Variants in BICRAL observed in about 807,000 individuals in gnomAD.
BICRAL encodes BRD4-interacting chromatin-remodeling complex-associated protein-like.
Under a neutral mutation model 91.8 loss-of-function variants are expected in BICRAL, and 8 were observed. The ratio of observed to expected loss-of-function variants is 0.09; its 90% CI spans 0.05 to 0.16. The LOEUF (loss-of-function observed/expected upper bound fraction) is 0.16, where lower values mean the gene tolerates loss of function less well. Among genes scored for constraint, BICRAL ranks in the 10% least tolerant of loss-of-function variants. The pLI is 1.00. For missense variants in BICRAL, 1,038 were observed against 1,310.9 expected (o/e 0.79, Z 3.21); for synonymous variants, 445 against 491.1 (o/e 0.91, Z 1.24).
chr6:42,806,296 T>G (rs1763704392), intron 1 of BICRAL, among the ~76,000 whole-genome samples: 1 of 152,172 alleles, frequency 6.6e-6, no homozygotes, highest in Non-Finnish European at 1.5e-5. Context: ...GGGCAACTAG[T>G]AACCCAGATT....
intron 2 of BICRAL, among the ~76,000 whole-genome samples, chr6:42,815,762 C>G (rs191525219): frequency 6.7e-6 from 1 of 149,832 alleles, no homozygotes; most frequent in Non-Finnish European, 1.5e-5. Flanking sequence ...CTGAGGTGGG[C>G]GGATCACCTG....
At chr6:42,756,204 C>CCATT (rs1299622056) in intron 1 of BICRAL, among the ~76,000 whole-genome samples, 1 of 152,166 alleles carries the variant, frequency 6.6e-6, no homozygotes. Flanking sequence ...TCTGCCCCTG[C>CCATT]CATTGTATTT....
At chr6:42,792,352 A>G (rs1312262872) in intron 1 of BICRAL, among the ~76,000 whole-genome samples, 3 of 151,836 alleles carry the variant, frequency 2.0e-5, no homozygotes, top group Non-Finnish European at 1.5e-5. Context: ...TGCAGCCTCC[A>G]TCTCGTGGGT....
At chr6:42,857,614 A>AAAAAAAAAATAT in intron 10 of BICRAL, among the ~76,000 whole-genome samples, 1,852 of 95,672 alleles carry the variant, frequency 0.019, 23 homozygotes, top group Non-Finnish European at 0.028. Flanking sequence ...AAAAAAAAAA[A>AAAAAAAAAATAT]ATATATATAT....
At chr6:42,770,412 A>ATTTTTTTTT (rs531644287) in intron 1 of BICRAL, among the ~76,000 whole-genome samples, 1 of 126,220 alleles carries the variant, frequency 7.9e-6, no homozygotes, top group Non-Finnish European at 1.6e-5. Context: ...TATTATTATT[A>ATTTTTTTTT]TTTTTTTTTT....
chr6:42,850,916 T>C (rs907457188), intron 6 of BICRAL, among the ~76,000 whole-genome samples: 2 of 150,898 alleles, frequency 1.3e-5, no homozygotes, highest in East Asian at 3.9e-4. Context: ...ATTGGCTGGG[T>C]GTGGTGGCTC....
At chr6:42,779,618 A>G (rs1762857353), upstream of BICRAL, among the ~76,000 whole-genome samples, 1 of 152,242 alleles carries the variant, frequency 6.6e-6, no homozygotes, top group Non-Finnish European at 1.5e-5. Context: ...TTAAATATAA[A>G]GCATACATTA....
At chr6:42,864,303 G>C (rs1765643462) in intron 12 of BICRAL, among the ~76,000 whole-genome samples, 1 of 152,032 alleles carries the variant, frequency 6.6e-6, no homozygotes, top group Non-Finnish European at 1.5e-5. Flanking sequence ...TCGTACCACT[G>C]CACTCCAGTC....
At chr6:42,786,326 C>T (rs1456019868) in intron 1 of BICRAL, among the ~76,000 whole-genome samples, 1 of 152,204 alleles carries the variant, frequency 6.6e-6, no homozygotes, top group Non-Finnish European at 1.5e-5. Context: ...TACCTCTGTG[C>T]AGTCTGTGTC....
rs1358059220 is a variant in BICRAL, at chr6:42,866,737, T to C, written c.*1291T>C. Reference sequence around the variant, plus strand: ...TGGCCTGTGTTCATATTAGTGAGCATGGCTTACTGCTTTATTTATTTTTAT... The same window carrying C: ...TGGCCTGTGTTCATATTAGTGAGCACGGCTTACTGCTTTATTTATTTTTAT... On this transcript the variant is annotated 3_prime_UTR_variant, in exon 13 of 13. Coordinates refer to ENST00000314073, the MANE Select transcript of BICRAL (RefSeq NM_001393499.1). 2.2e-5 allele frequency: 10 copies of C among 452,580 alleles called. No individual in the cohort carries two copies. Among genetic ancestry groups the C allele is most frequent in the Non-Finnish European group, 4.0e-5 (9 of 224,978 alleles). 28.0% of individuals were successfully genotyped at this position (452,580 alleles called of 1,614,324 possible). A position where few individuals can be genotyped will look rare whatever the true frequency, so the allele number is the denominator to read the frequency against.
intron 8 of BICRAL, among the ~76,000 whole-genome samples, chr6:42,855,060 A>G (rs896744192): frequency 1.3e-5 from 2 of 152,210 alleles, no homozygotes; most frequent in African/African-American, 4.8e-5. Context: ...ACAGTGAAGG[A>G]TCTGTTCAGT....
rs1369160623 is a variant in BICRAL at position 42,828,531 on chromosome 6, C to T, written c.198C>T (p.Asn66=). ...DPKSSLKGVS[N]QLGEGPSDGL... is the part of the protein sequence containing the mutation. The stretch of plus-strand genomic sequence containing the variant: ...AGTCATCCCTCAAAGGTGTAAGCAA[C>T]CAGCTTGGAGAAGGGCCCAGTGATG... The change falls in exon 6 of 13, where the codon AAC becomes AAT. Residue 66 remains asparagine (N), a synonymous_variant. Transcript: ENST00000314073. 6.2e-7 allele frequency: 1 copy of T among 1,613,500 alleles called. No individual in the cohort carries two copies. Among genetic ancestry groups the T allele is most frequent in the Non-Finnish European group, 8.5e-7 (1 of 1,179,576 alleles).
chr6:42,784,995 A>G (rs1763060409), intron 1 of BICRAL, among the ~76,000 whole-genome samples: 1 of 151,978 alleles, frequency 6.6e-6, no homozygotes, highest in African/African-American at 2.4e-5. Flanking sequence ...CTCTTTTTTG[A>G]ATTGGAACAT....
At chr6:42,858,902 C>T (rs990670706) in intron 10 of BICRAL, among the ~76,000 whole-genome samples, 1 of 152,084 alleles carries the variant, frequency 6.6e-6, no homozygotes, top group African/African-American at 2.4e-5. Flanking sequence ...GATGCCTGGC[C>T]ATGCTCTTTC....
At chr6:42,847,557 C>T (rs895961552) in intron 6 of BICRAL, among the ~76,000 whole-genome samples, 1 of 151,680 alleles carries the variant, frequency 6.6e-6, no homozygotes, top group East Asian at 1.9e-4. Flanking sequence ...GTAGGAGGAT[C>T]TCTTGAGCCC....
At chr6:42,832,368 T>C (rs1454474044) in intron 6 of BICRAL, among the ~76,000 whole-genome samples, 1 of 146,268 alleles carries the variant, frequency 6.8e-6, no homozygotes, top group Non-Finnish European at 1.5e-5. Flanking sequence ...GTATATATAT[T>C]ATATATATAT....
chr6:42,782,359 TG>T (rs1762938506), intron 1 of BICRAL, among the ~76,000 whole-genome samples: 4 of 64,780 alleles, frequency 6.2e-5, no homozygotes, highest in East Asian at 4.0e-4. Context: ...GGGGTGGGTT[TG>T]TGGGTGGGTG....
At chr6:42,846,616 G>C (rs1765019128) in intron 6 of BICRAL, among the ~76,000 whole-genome samples, 2 of 152,092 alleles carry the variant, frequency 1.3e-5, no homozygotes, top group Admixed American at 1.3e-4. Flanking sequence ...TGACTGGAGG[G>C]GTAGTCTTCT....
At chr6:42,763,243 G>A (rs2113834279) in intron 1 of BICRAL, among the ~76,000 whole-genome samples, 1 of 152,284 alleles carries the variant, frequency 6.6e-6, no homozygotes, top group East Asian at 1.9e-4. Flanking sequence ...ACAGGTTTAA[G>A]ATTTCTTAAA....
Sources: allele counts gnomAD v4.1 joint callset (sites outside exome capture counted in the v4.1 genomes callset), GRCh38; gene constraint gnomAD v4.1.1; transcripts MANE v1.5; gene names NCBI Gene and HGNC (gene_info 2026-07-23, HGNC 2026-07-21).